The following AGAP1 variants were observed in gnomAD, a reference collection of about 807,000 sequenced individuals.
AGAP1 encodes ArfGAP with GTPase domain, ankyrin repeat and PH domain 1.
A neutral mutation model predicts 105.3 loss-of-function variants in AGAP1; 29 were observed. The ratio of observed to expected loss-of-function variants is 0.28; its 90% CI spans 0.21 to 0.38. The LOEUF is 0.38. Ranked by LOEUF, AGAP1 falls within the 10% of genes least tolerant of loss-of-function variation. AGAP1 has a pLI of 1.00. For synonymous variants in AGAP1, 509 were observed against 485.9 expected (o/e 1.05, Z -0.63); for missense variants, 998 against 1,165.1 (o/e 0.86, Z 2.09).
chr2:235,671,194 G>A (rs1948401518), intron 1 of AGAP1: 1 of 1,024,128 alleles, frequency 9.8e-7, no homozygotes, highest in Non-Finnish European at 1.2e-6. Flanking sequence ...CGGGTACTGC[G>A]GTTTTCCCCA....
At position 236,014,660 on chromosome 2, in the gene AGAP1, T is replaced by G. The variant is rs1375236032; in HGVS notation, c.1646-21901T>G. 1 of 342,528 alleles carries G rather than the reference T, an allele frequency of 2.9e-6. No individual in the cohort carries two copies. The highest frequency in any genetic ancestry group is 2.2e-5 in the African/African-American group (1 of 44,892). 21.2% of individuals were successfully genotyped at this position (342,528 alleles called of 1,614,324 possible). On this transcript the variant is annotated intron_variant, in intron 13 of 17. Coordinates refer to ENST00000304032, the MANE Select transcript of AGAP1 (RefSeq NM_001037131.3). This position sits in a 1 kb window ranked among gnomAD's most constrained non-coding sequence, Gnocchi z 6.3. ...GGAGGGCTCAGCCCAGGGAGCTCCATGGCACCCACCCGCTTCGCGCAGACA... is the reference window on the plus strand; with the variant it reads ...GGAGGGCTCAGCCCAGGGAGCTCCAGGGCACCCACCCGCTTCGCGCAGACA...
At chr2:235,933,804 T>C (rs1395005928) in intron 12 of AGAP1, among the ~76,000 whole-genome samples, 1 of 152,200 alleles carries the variant, frequency 6.6e-6, no homozygotes, top group African/African-American at 2.4e-5. Flanking sequence ...GTGCTGGGAT[T>C]ACAGGCATGA....
Position 235,908,744 on chromosome 2 carries a change from A to G in AGAP1, c.1162A>G (p.Met388Val), listed in dbSNP as rs1292064944. Residue 388 changes from methionine (M) to valine (V), a missense_variant, in exon 11 of 18, where the codon ATG becomes GTG. By Grantham distance (21) the Met-to-Val change is conservative (BLOSUM62 1). This residue lies in a region of AGAP1 where 735 missense variants were observed against 833.4 expected (regional missense o/e 0.88). Coordinates refer to ENST00000304032, the MANE Select transcript of AGAP1 (RefSeq NM_001037131.3). The surrounding 1 kb of genome is among the most constrained non-coding windows in gnomAD (Gnocchi z 4.4). ...TGTTTAACATTTTCAACAGGATTACATGCAGAATGTTCATGGTAAGGAGAT... is the reference window on the plus strand; with the variant it reads ...TGTTTAACATTTTCAACAGGATTACGTGCAGAATGTTCATGGTAAGGAGAT... ...LTYHPSLHDYMQNVHGKEIDL... is the reference protein window; with the variant it reads ...LTYHPSLHDYVQNVHGKEIDL... 1.9e-6 allele frequency: 3 copies of G among 1,606,964 alleles called. No individual in the cohort carries two copies. Among genetic ancestry groups the G allele is most frequent in the Non-Finnish European group, 2.5e-6 (3 of 1,176,600 alleles).
rs187166745 is a variant in AGAP1 at position 235,744,853 on chromosome 2, G to A, written c.538+14G>A. 12 of 1,613,814 alleles carry A rather than the reference G, an allele frequency of 7.4e-6. No homozygotes were observed. The highest frequency in any genetic ancestry group is 3.3e-5 in the South Asian group (3 of 91,058). On this transcript the variant is annotated intron_variant, in intron 5 of 17. Coordinates refer to ENST00000304032, the MANE Select transcript of AGAP1 (RefSeq NM_001037131.3). The surrounding 1 kb of genome is among the most constrained non-coding windows in gnomAD (Gnocchi z 5.2). The stretch of plus-strand genomic sequence containing the variant: ...TGGGAACCCAGGGTGAGTGATGTTC[G>A]TGTGCAGATTGTTTTGAAAGGGTTC...
At chr2:235,589,835 G>GAA (rs1035022435) in intron 1 of AGAP1, among the ~76,000 whole-genome samples, 41 of 152,000 alleles carry the variant, frequency 2.7e-4, no homozygotes, top group Non-Finnish European at 5.3e-4. Context: ...GAGAGAGAGA[G>GAA]AGAGGCTCAC....
chr2:235,672,259 C>T (rs1948475837), intron 1 of AGAP1, among the ~76,000 whole-genome samples: 1 of 152,098 alleles, frequency 6.6e-6, no homozygotes, highest in Non-Finnish European at 1.5e-5. Flanking sequence ...AAATGACTGT[C>T]CTTATGGAAA....
intron 16 of AGAP1, among the ~76,000 whole-genome samples, chr2:236,088,535 CTG>C (rs1206500819): frequency 1.3e-5 from 2 of 152,220 alleles, no homozygotes; most frequent in African/African-American, 4.8e-5. Flanking sequence ...GAAGATGCCT[CTG>C]TGAACTTAAA....
At position 235,612,294 on chromosome 2, in the gene AGAP1, C is replaced by T. The variant is rs6740833; in HGVS notation, c.164-96885C>T. On this transcript the variant is annotated intron_variant, in intron 1 of 17. Coordinates refer to ENST00000304032, the MANE Select transcript of AGAP1 (RefSeq NM_001037131.3). This position sits in a 1 kb window ranked among gnomAD's most constrained non-coding sequence, Gnocchi z 4.3. ...GGGGTGCTTGTGAATTGATTGCACC[C>T]CTCCTGTGGCGTGGAGGCGGTGCCT... is the stretch of plus-strand genomic sequence containing the variant. 0.035 allele frequency among the ~76,000 whole-genome samples: 5,261 copies of T among 152,194 alleles called. 314 individuals carry two copies. Among genetic ancestry groups the T allele is most frequent in the African/African-American group, 0.12 (5,017 of 41,506 alleles).
At chr2:235,975,890 T>A (rs1222408804) in intron 13 of AGAP1, among the ~76,000 whole-genome samples, 1 of 152,226 alleles carries the variant, frequency 6.6e-6, no homozygotes, top group Non-Finnish European at 1.5e-5. Context: ...ACAGTAATTT[T>A]TGATACAATA....
At chr2:235,529,823 T>G (rs1942981824) in intron 1 of AGAP1, among the ~76,000 whole-genome samples, 1 of 151,926 alleles carries the variant, frequency 6.6e-6, no homozygotes, top group Non-Finnish European at 1.5e-5. Flanking sequence ...GCCTGAGTGG[T>G]TGGGAGGAGA....
At chr2:235,858,766 G>A (rs926943146) in intron 9 of AGAP1, among the ~76,000 whole-genome samples, 1 of 152,188 alleles carries the variant, frequency 6.6e-6, no homozygotes. Flanking sequence ...TTGATGAGCA[G>A]GGAGAGGCTT....
chr2:235,539,736 C>T (rs568933361), intron 1 of AGAP1, among the ~76,000 whole-genome samples: 5 of 152,168 alleles, frequency 3.3e-5, no homozygotes, highest in South Asian at 2.1e-4. Context: ...CGAGGAGAGA[C>T]GCTTCGGTAA....
chr2:235,629,863 C>CAAAA lies in AGAP1; in HGVS notation c.164-79299_164-79296dup, dbSNP rs10691632. ...TGGGTGACTGAGGGAGACCCTGTCT[C>CAAAA]AAAAAAAAAAAAAAAAAAAAGAAAG... is the stretch of plus-strand genomic sequence containing the variant. On this transcript the variant is annotated intron_variant, in intron 1 of 17. Transcript: ENST00000304032. Among the ~76,000 whole-genome samples the CAAAA allele has an allele frequency of 5.7e-3, 539 of 95,270 alleles. 5 individuals carry two copies. The highest frequency in any genetic ancestry group is 8.4e-3 in the Non-Finnish European group (411 of 48,936). The allele number at this position is 95,270 out of a possible 152,430, so 62.5% of individuals were successfully genotyped here.
chr2:235,881,272 T>C (rs1183620582), intron 9 of AGAP1, among the ~76,000 whole-genome samples: 1 of 152,210 alleles, frequency 6.6e-6, no homozygotes, highest in Non-Finnish European at 1.5e-5. Flanking sequence ...TTCATTCTTA[T>C]GTTGTAATTC....
chr2:235,817,169 C>T (rs1021730043), intron 9 of AGAP1, among the ~76,000 whole-genome samples: 1 of 152,080 alleles, frequency 6.6e-6, no homozygotes, highest in Non-Finnish European at 1.5e-5. Flanking sequence ...GAACTTATGG[C>T]ACTTGGCATG....
Position 236,051,403 on chromosome 2 carries a change from C to A in AGAP1, c.2114+2122C>A, listed in dbSNP as rs572798642. 6.6e-6 allele frequency among the ~76,000 whole-genome samples: 1 copy of A among 152,076 alleles called. No individual in the cohort carries two copies. The highest frequency in any genetic ancestry group is 1.9e-4 in the East Asian group (1 of 5,190). ...AGGGCTGCCTGAGGATGCCAGGGCT[C>A]GGGAGGGTGCATTCTGGGAGGTGTC... is the stretch of plus-strand genomic sequence containing the variant. On this transcript the variant is annotated intron_variant, in intron 16 of 17. Coordinates refer to ENST00000304032, the MANE Select transcript of AGAP1 (RefSeq NM_001037131.3). This position sits in a 1 kb window ranked among gnomAD's most constrained non-coding sequence, Gnocchi z 5.9.
rs1947973959 is a variant in AGAP1 at position 235,662,023 on chromosome 2, T to C, written c.164-47156T>C. ...AGGCCAAGATTGTAGGGCAGTGTTA[T>C]CCTGGGTGAGTTGGGGTATGGCCAT... On this transcript the variant is annotated intron_variant, in intron 1 of 17. Coordinates refer to ENST00000304032, the MANE Select transcript of AGAP1 (RefSeq NM_001037131.3). This position sits in a 1 kb window ranked among gnomAD's most constrained non-coding sequence, Gnocchi z 4.2. 6.6e-6 allele frequency among the ~76,000 whole-genome samples: 1 copy of C among 152,138 alleles called. No individual in the cohort carries two copies. The highest frequency in any genetic ancestry group is 2.4e-5 in the African/African-American group (1 of 41,430).
In AGAP1 at chr2:236,073,145, G is replaced by A. The variant is rs940406880; in HGVS notation, c.2114+23864G>A. 6.6e-6 allele frequency among the ~76,000 whole-genome samples: 1 copy of A among 152,004 alleles called. No individual in the cohort carries two copies. The highest frequency in any genetic ancestry group is 1.5e-5 in the Non-Finnish European group (1 of 68,004). On this transcript the variant is annotated intron_variant, in intron 16 of 17. Transcript: ENST00000304032. The surrounding 1 kb of genome is among the most constrained non-coding windows in gnomAD (Gnocchi z 5.4). ...CGAGTAGCTGGGATTACAGGCGCAC[G>A]CCACCACGCCTGGCTAATTTTTGTA...
chr2:235,775,948 A>T (rs1238483753), intron 6 of AGAP1, among the ~76,000 whole-genome samples: 1 of 152,158 alleles, frequency 6.6e-6, no homozygotes, highest in Non-Finnish European at 1.5e-5. Flanking sequence ...CGTGCCTGGG[A>T]TTGCCTTATG....
Sources: allele counts gnomAD v4.1 joint callset (sites outside exome capture counted in the v4.1 genomes callset), GRCh38; gene constraint gnomAD v4.1.1; regional missense constraint gnomAD v4.1.1; non-coding constraint Gnocchi (gnomAD v3.1); transcripts MANE v1.5; gene names NCBI Gene and HGNC (gene_info 2026-07-23, HGNC 2026-07-21).